Variants in OSBPL5 observed in about 807,000 individuals in gnomAD.
The protein encoded by OSBPL5 is oxysterol binding protein like 5.
A neutral mutation model predicts 111.2 loss-of-function variants in OSBPL5; 71 were observed. That is an observed-to-expected ratio of 0.64 (90% CI 0.53 to 0.78). The LOEUF is 0.78. OSBPL5 is among the 30% of genes least tolerant of loss of function. The pLI is 0.00. For synonymous variants in OSBPL5, 549 were observed against 513.9 expected (o/e 1.07, Z -0.93); for missense variants, 1,210 against 1,189.3 (o/e 1.02, Z -0.26).
rs776984207 is a variant in OSBPL5, at chr11:3,096,551, G to A, written c.1622-2217C>T. On this transcript the variant is annotated intron_variant, in intron 14 of 21. Coordinates refer to ENST00000263650, the MANE Select transcript of OSBPL5 (RefSeq NM_020896.4). ...GGAGAATCGTTTGAACTCAGGAGGC[G>A]GAGGTTGCAGTGAGCTGAGATTGCA... 4.6e-5 allele frequency among the ~76,000 whole-genome samples: 7 copies of A among 151,202 alleles called. No individual in the cohort carries two copies. The East Asian group carries it at 5.8e-4, about 13-fold the overall frequency.
At chr11:3,119,778 G>C in intron 6 of OSBPL5, 147 bp from the exon 7 acceptor site, 1 of 649,362 alleles carries the variant, frequency 1.5e-6, no homozygotes, top group Non-Finnish European at 2.5e-6. Flanking sequence ...CAGGCACCTG[G>C]CCAGGTAGAC....
chr11:3,123,025 G>A (rs1858477597), intron 3 of OSBPL5, among the ~76,000 whole-genome samples: 1 of 152,214 alleles, frequency 6.6e-6, no homozygotes, highest in Admixed American at 6.5e-5. Context: ...TCTGGGCAGG[G>A]CCAATGTACT....
intron 2 of OSBPL5, among the ~76,000 whole-genome samples, chr11:3,127,628 G>A (rs1858673872): frequency 1.3e-5 from 2 of 152,214 alleles, no homozygotes; most frequent in African/African-American, 2.4e-5. Context: ...GGGGAGGCTA[G>A]CAGGAGCGCT....
chr11:3,152,878 C>T (rs1846633735), intron 1 of OSBPL5, among the ~76,000 whole-genome samples: 1 of 152,192 alleles, frequency 6.6e-6, no homozygotes, highest in Non-Finnish European at 1.5e-5. Context: ...AGGTCTCATT[C>T]ATGCCTCGCT....
intron 1 of OSBPL5, among the ~76,000 whole-genome samples, chr11:3,157,636 G>C (rs1846818693): frequency 6.6e-6 from 1 of 152,270 alleles, no homozygotes. Flanking sequence ...TCACTTTAGA[G>C]TGTGAGCACC....
chr11:3,090,692 G>A lies in OSBPL5; in HGVS notation c.2264C>T (p.Ser755Phe). The A allele has an allele frequency of 6.2e-7, 1 of 1,610,526 alleles. No individual in the cohort carries two copies. The highest frequency in any genetic ancestry group is 1.3e-5 in the African/African-American group (1 of 75,038). Residue 755 changes from serine (S) to phenylalanine (F), a missense_variant, in exon 20 of 22, where the codon TCT becomes TTT. Transcript: ENST00000263650. ...CTTGCGAAGCCGCTGGTCTGGGCCA[G>A]ACCTCTGCAGAGAAATGGAGCTGCT... The part of the protein sequence containing the change: ...LGSPGPRHER[S>F]GPDQRLRKAS...
chr11:3,142,623 G>A lies in OSBPL5; in HGVS notation c.-21-13454C>T, dbSNP rs1846161966. Among the ~76,000 whole-genome samples the A allele has an allele frequency of 6.6e-6, 1 of 152,198 alleles. No homozygotes were observed. The highest frequency in any genetic ancestry group is 2.1e-4 in the South Asian group (1 of 4,824). ...TCACCGTCTCGCGGGTGGAGAGCCTGGGTGGTGCGTTTATCAACAGGACCG... is the reference window on the plus strand; with the variant it reads ...TCACCGTCTCGCGGGTGGAGAGCCTAGGTGGTGCGTTTATCAACAGGACCG... On this transcript the variant is annotated intron_variant, in intron 1 of 21. Transcript: ENST00000263650. The surrounding 1 kb of genome is among the most constrained non-coding windows in gnomAD (Gnocchi z 7.1).
At position 3,122,359 on chromosome 11, in the gene OSBPL5, C is replaced by T. The variant is rs1564843961; in HGVS notation, c.289G>A (p.Glu97Lys). ...VSPTARVTKK[E>K]TLKAQKENYR... ...GGGCCCGGGCTCACCTTGAGAGTCT[C>T]CTTCTTGGTGACCCTGGCGGTGGGG... The change falls in exon 4 of 22, where the codon GAG (glutamate) becomes AAG (lysine). Residue 97 changes from glutamate (E) to lysine (K), a missense_variant. Glu to Lys is a moderately conservative substitution (Grantham distance 56). Transcript: ENST00000263650. 6.2e-7 allele frequency: 1 copy of T among 1,613,634 alleles called. No individual in the cohort carries two copies. Among genetic ancestry groups the T allele is most frequent in the South Asian group, 1.1e-5 (1 of 91,050 alleles).
At chr11:3,097,032 G>A (rs1857288360) in intron 14 of OSBPL5, among the ~76,000 whole-genome samples, 1 of 88,882 alleles carries the variant, frequency 1.1e-5, no homozygotes, top group Non-Finnish European at 2.2e-5. Context: ...GGGAGGAGAG[G>A]AAAGAGGGAA....
In OSBPL5 at chr11:3,088,244, G is replaced by C. The variant is rs1856938536; in HGVS notation, c.2601C>G (p.Phe867Leu). The C allele has an allele frequency of 6.2e-7, 1 of 1,605,862 alleles. No individual in the cohort carries two copies. The highest frequency in any genetic ancestry group is 8.5e-7 in the Non-Finnish European group (1 of 1,176,092). Reference protein sequence around the residue: ...SPRSWFLLCVFLACQLFINHI... With the variant: ...SPRSWFLLCVLLACQLFINHI... ...GGTTAATGAACAGCTGACACGCCAG[G>C]AACACGCAGAGCAGGAACCAGGATC... The change falls in exon 22 of 22, where the codon TTC (phenylalanine) becomes TTG (leucine). Residue 867 changes from phenylalanine (F) to leucine (L), a missense_variant. Physicochemically the swap from Phe to Leu is conservative, Grantham distance 22. Coordinates refer to ENST00000263650, the MANE Select transcript of OSBPL5 (RefSeq NM_020896.4).
At position 3,112,062 on chromosome 11, in the gene OSBPL5, TATGTGTGTGTGC is replaced by T. The variant is rs1281906104; in HGVS notation, c.692-4129_692-4118del. Among the ~76,000 whole-genome samples, 518 of 62,648 alleles carry T rather than the reference TATGTGTGTGTGC, an allele frequency of 8.3e-3. 6 individuals carry two copies. The highest frequency in any genetic ancestry group is 0.039 in the African/African-American group (459 of 11,756). 41.1% of individuals were successfully genotyped at this position (62,648 alleles called of 152,430 possible). ...GTGTGCGCGCATGTGTGTGCATGTG[TATGTGTGTGTGC>T]ATGTGTGTGTGCATGTGTGTGTGCA... On this transcript the variant is annotated intron_variant, in intron 7 of 21. Transcript: ENST00000263650.
Position 3,090,574 on chromosome 11 carries a change from A to T in OSBPL5, c.2382T>A (p.Asp794Glu). The stretch of plus-strand genomic sequence containing the variant: ...GGGGCTCACCAGGGACAAAGTCACC[A>T]TCCTGCTCCTCGTCTGAGAGCTCTG... ...SCPELSDEEQ[D>E]GDFVPGGESP... Residue 794 changes from aspartate to glutamate, a missense_variant, in exon 20 of 22, where the codon GAT becomes GAA. By Grantham distance (45) the Asp-to-Glu change is conservative (BLOSUM62 2). Coordinates refer to ENST00000263650, the MANE Select transcript of OSBPL5 (RefSeq NM_020896.4). 1 of 1,612,960 alleles carries T rather than the reference A, an allele frequency of 6.2e-7. No individual in the cohort carries two copies. Among genetic ancestry groups the T allele is most frequent in the Non-Finnish European group, 8.5e-7 (1 of 1,179,854 alleles).
chr11:3,090,761 A>C, intron 19 of OSBPL5, 65 bp from the exon 20 acceptor site: 1 of 1,524,956 alleles, frequency 6.6e-7, no homozygotes, highest in Non-Finnish European at 8.8e-7. Flanking sequence ...CCCCAGGGAC[A>C]TGGTGGCATG....
chr11:3,163,221 T>C (rs1430200194), intron 1 of OSBPL5, among the ~76,000 whole-genome samples: 1 of 151,962 alleles, frequency 6.6e-6, no homozygotes, highest in African/African-American at 2.4e-5. Context: ...GAACAATAAA[T>C]GGGAATGGGG....
At chr11:3,101,382 C>T (rs893447105) in intron 13 of OSBPL5, among the ~76,000 whole-genome samples, 3 of 152,172 alleles carry the variant, frequency 2.0e-5, no homozygotes, top group African/African-American at 4.8e-5. Context: ...GTCCCCACAG[C>T]GTCCCTACAA....
chr11:3,143,670 C>T (rs1251560695), intron 1 of OSBPL5, among the ~76,000 whole-genome samples: 3 of 152,248 alleles, frequency 2.0e-5, no homozygotes, highest in Admixed American at 6.5e-5. Context: ...GGACACGGAA[C>T]GCAGACTGGT....
rs760292668 is a variant in OSBPL5, at chr11:3,092,511, T to C, written c.2180A>G (p.Asp727Gly). The stretch of plus-strand genomic sequence containing the variant: ...CTGCTGCAAGGTCCGCAGGATCCCG[T>C]CTTGCTCAAACTGGGCGATGTCCTT... ...PLKDIAQFEQ[D>G]GILRTLQQEA... Residue 727 changes from aspartate (D) to glycine (G), a missense_variant, in exon 19 of 22, where the codon GAC (aspartate) becomes GGC (glycine). Coordinates refer to ENST00000263650, the MANE Select transcript of OSBPL5 (RefSeq NM_020896.4). The surrounding 1 kb of genome is among the most constrained non-coding windows in gnomAD (Gnocchi z 5.4). The C allele has an allele frequency of 6.9e-6, 11 of 1,584,786 alleles. No homozygotes were observed. The South Asian group carries it at 1.0e-4, about 15-fold the overall frequency.
chr11:3,114,298 G>C (rs1323672450), intron 7 of OSBPL5, among the ~76,000 whole-genome samples: 2 of 152,016 alleles, frequency 1.3e-5, no homozygotes, highest in South Asian at 2.1e-4. Flanking sequence ...TTTTGGTGGA[G>C]AGTAAGAAAG....
At chr11:3,117,989 T>C (rs1858268614) in intron 7 of OSBPL5, among the ~76,000 whole-genome samples, 1 of 152,222 alleles carries the variant, frequency 6.6e-6, no homozygotes, top group Non-Finnish European at 1.5e-5. Flanking sequence ...CCTACTATTT[T>C]CTCTTCATAG....
Sources: gnomAD v4.1 joint callset for allele counts (sites outside exome capture counted in the v4.1 genomes callset) on GRCh38, gnomAD v4.1.1 for gene constraint, Gnocchi (gnomAD v3.1) non-coding constraint, MANE v1.5 for transcripts, NCBI Gene and HGNC (gene_info 2026-07-23, HGNC 2026-07-21) for gene names.